The following ZNHIT3 variants were observed in gnomAD, a reference collection of about 807,000 sequenced individuals.
ZNHIT3 encodes zinc finger HIT domain-containing protein 3.
A neutral mutation model predicts 19.9 loss-of-function variants in ZNHIT3; 27 were observed. The ratio of observed to expected loss-of-function variants is 1.36; its 90% confidence interval spans 1.00 to 1.87. The LOEUF is 1.87. Ranked by LOEUF, ZNHIT3 falls within the 40% of genes most tolerant of loss-of-function variation. ZNHIT3 has a pLI of 0.00. For missense variants in ZNHIT3, 215 were observed against 185.6 expected, an observed-to-expected ratio of 1.16 and a Z score of -0.92; for synonymous variants, 81 against 65.7, an observed-to-expected ratio of 1.23 and a Z score of -1.13.
At chr17:36,498,220 G>A (rs1284209555), downstream of ZNHIT3, 1 of 1,576,196 alleles carries the variant, frequency 6.3e-7, no homozygotes, top group Non-Finnish European at 8.6e-7. Flanking sequence ...CTTTGCTCCT[G>A]CTGTTCTCAG....
chr17:36,488,670 G>C (rs973104882), intron 2 of ZNHIT3, among the ~76,000 whole-genome samples: 16 of 151,400 alleles, frequency 1.1e-4, no homozygotes, highest in South Asian at 4.2e-4. Flanking sequence ...GCCTCCTATT[G>C]GTTGATTTTT....
intron 1 of ZNHIT3, 69 bp from the exon 2 acceptor site, chr17:36,486,866 A>G: frequency 6.3e-7 from 1 of 1,582,150 alleles, no homozygotes; most frequent in Non-Finnish European, 8.5e-7. Context: ...GCCGGGCGGG[A>G]GCGGGCGGGC....
chr17:36,486,710 T>C lies in ZNHIT3; in HGVS notation c.11T>C (p.Leu4Pro), dbSNP rs143659130. 5.0e-6 allele frequency: 8 copies of C among 1,613,694 alleles called. No homozygotes were observed. The highest frequency in any genetic ancestry group is 6.8e-6 in the Non-Finnish European group (8 of 1,179,900). ...TCCTTCCACAAAACCATGGCGTCGC[T>C]CAAATGTAGCACCGTCGTCTGCGTG... MASLKCSTVVCVIC... is the reference protein window; with the variant it reads MASPKCSTVVCVIC... The change falls in exon 1 of 5, where the codon CTC becomes CCC. Residue 4 changes from leucine to proline, a missense_variant. Leu to Pro is a moderately conservative substitution (Grantham distance 98, BLOSUM62 -3). Coordinates refer to ENST00000617429, the MANE Select transcript of ZNHIT3 (RefSeq NM_004773.4).
downstream of ZNHIT3, chr17:36,496,354 C>A: frequency 6.2e-7 from 1 of 1,613,968 alleles, no homozygotes; most frequent in African/African-American, 1.3e-5. Context: ...AGGTTCAGGG[C>A]AGATGTCAGC....
downstream of ZNHIT3, chr17:36,498,714 T>C (rs1599195496): frequency 2.5e-6 from 2 of 791,290 alleles, no homozygotes; most frequent in Non-Finnish European, 3.9e-6. Context: ...ACTGGTTCCA[T>C]ATGCCACAAG....
intron 2 of ZNHIT3, among the ~76,000 whole-genome samples, chr17:36,487,323 C>T (rs148398651): frequency 6.6e-6 from 1 of 152,332 alleles, no homozygotes; most frequent in African/African-American, 2.4e-5. Flanking sequence ...TAGCCCCTCA[C>T]CATTTGGCTG....
intron 2 of ZNHIT3, chr17:36,489,171 A>G (rs1399435289): frequency 6.6e-6 from 1 of 152,188 alleles, no homozygotes; most frequent in African/African-American, 2.4e-5. Context: ...CAGTGTATAT[A>G]TGTACCGCAT....
intron 2 of ZNHIT3, 155 bp from the exon 3 acceptor site, chr17:36,492,658 T>TG: frequency 1.5e-6 from 1 of 676,804 alleles, no homozygotes; most frequent in Non-Finnish European, 2.6e-6. Context: ...ATCTCTCTCT[T>TG]GCTTTGATCT....
chr17:36,496,458 G>A (rs2070984397), downstream of ZNHIT3: 14 of 1,589,482 alleles, frequency 8.8e-6, no homozygotes, highest in Non-Finnish European at 1.1e-5. Context: ...GGAGTGCCAG[G>A]GCCTAACAAC....
chr17:36,492,952 C>A, intron 3 of ZNHIT3, 53 bp downstream of exon 3: 1 of 1,553,432 alleles, frequency 6.4e-7, no homozygotes, highest in Non-Finnish European at 8.9e-7. Context: ...TAGAATAAGT[C>A]GAAGGAAAAG....
At chr17:36,498,327 C>G (rs2071195051), downstream of ZNHIT3, 1 of 1,613,882 alleles carries the variant, frequency 6.2e-7, no homozygotes, top group Non-Finnish European at 8.5e-7. Flanking sequence ...GACAGTGTAG[C>G]TACTGGGGCT....
intron 2 of ZNHIT3, chr17:36,490,398 G>A (rs2142525356): frequency 6.6e-6 from 1 of 152,292 alleles, no homozygotes; most frequent in Admixed American, 6.5e-5. Flanking sequence ...GGCTGTAAAT[G>A]TGTGAATTTA....
At chr17:36,493,130 G>C (rs1385830705) in intron 3 of ZNHIT3, 6 of 579,510 alleles carry the variant, frequency 1.0e-5, no homozygotes, top group Non-Finnish European at 3.1e-6. Flanking sequence ...ACAGAGATGA[G>C]AAAGGCCATG....
chr17:36,499,118 T>C, downstream of ZNHIT3: 3 of 1,610,692 alleles, frequency 1.9e-6, no homozygotes, highest in East Asian at 2.2e-5. Context: ...GGCAGCTGCA[T>C]GCAGCCTCTG....
chr17:36,488,956 C>G (rs2070658480), intron 2 of ZNHIT3, among the ~76,000 whole-genome samples: 2 of 152,184 alleles, frequency 1.3e-5, no homozygotes, highest in African/African-American at 4.8e-5. Flanking sequence ...TAAGCAACTT[C>G]TCCCTAGCCC....
At chr17:36,496,102 C>T (rs116514638), downstream of ZNHIT3, 5,215 of 1,115,718 alleles carry the variant, frequency 4.7e-3, 124 homozygotes, top group African/African-American at 0.057. Context: ...GCACTGGGCA[C>T]GGGGCTCTGG....
intron 2 of ZNHIT3, 57 bp downstream of exon 2, chr17:36,487,023 C>T (rs1205114537): frequency 6.3e-7 from 1 of 1,597,542 alleles, no homozygotes; most frequent in African/African-American, 1.4e-5. Context: ...CCCCCACGTC[C>T]AGCCTCCGTC....
At chr17:36,492,679 C>T in intron 2 of ZNHIT3, 134 bp from the exon 3 acceptor site, 1 of 740,976 alleles carries the variant, frequency 1.3e-6, no homozygotes, top group East Asian at 2.5e-5. Context: ...CTCACTTCTT[C>T]CACATTCCTG....
intron 2 of ZNHIT3, 85 bp from the exon 3 acceptor site, chr17:36,492,728 C>A: frequency 8.2e-7 from 1 of 1,216,608 alleles, no homozygotes; most frequent in Non-Finnish European, 1.2e-6. Context: ...CACTTGCTTC[C>A]TACCTAGATG....
Sources: gnomAD v4.1 joint callset for allele counts (sites outside exome capture counted in the v4.1 genomes callset) on GRCh38, gnomAD v4.1.1 for gene constraint, MANE v1.5 for transcripts, NCBI Gene and HGNC (gene_info 2026-07-23, HGNC 2026-07-21) for gene names.